Variants in PARD3 observed in about 807,000 individuals in gnomAD.
PARD3 encodes the protein par-3 family cell polarity regulator, also known as partitioning defective 3 homolog.
A neutral mutation model predicts 155.4 loss-of-function variants in PARD3; 75 were observed. The observed-to-expected ratio is 0.48, with a 90% confidence interval of 0.40 to 0.58. The LOEUF is 0.58. Among genes scored for constraint, PARD3 ranks in the 20% least tolerant of loss-of-function variants. The pLI is 0.00. For synonymous variants in PARD3, 576 were observed against 610.5 expected (o/e 0.94, Z 0.83); for missense variants, 1,642 against 1,721.7 (o/e 0.95, Z 0.82).
chr10:34,357,620 GA>G (rs1839024219), intron 14 of PARD3, among the ~76,000 whole-genome samples: 1 of 152,172 alleles, frequency 6.6e-6, no homozygotes, highest in Non-Finnish European at 1.5e-5. Flanking sequence ...AGGAGGGACG[GA>G]AAAGAGAAAA....
At chr10:34,497,427 A>G (rs888822549) in intron 3 of PARD3, among the ~76,000 whole-genome samples, 8 of 152,210 alleles carry the variant, frequency 5.3e-5, no homozygotes, top group Non-Finnish European at 1.2e-4. Context: ...TAAGAAACTG[A>G]GCATCTTCAG....
At chr10:34,505,090 A>G (rs773973) in intron 3 of PARD3, among the ~76,000 whole-genome samples, 78,336 of 152,056 alleles carry the variant, frequency 0.52, 23,733 homozygotes, top group African/African-American at 0.86. Context: ...CTTGGCAAAT[A>G]CAACAAACAC....
chr10:34,200,106 A>C (rs1254791867), intron 22 of PARD3, among the ~76,000 whole-genome samples: 2 of 151,590 alleles, frequency 1.3e-5, no homozygotes, highest in Non-Finnish European at 2.9e-5. Context: ...AATAACAATC[A>C]TAATCACAAT....
chr10:34,581,711 C>T (rs1023084286), intron 2 of PARD3, among the ~76,000 whole-genome samples: 3 of 152,108 alleles, frequency 2.0e-5, no homozygotes, highest in African/African-American at 4.8e-5. Context: ...GAACCAAAAT[C>T]CAAGTCTTTG....
At chr10:34,753,801 C>T (rs1836357854) in intron 1 of PARD3, among the ~76,000 whole-genome samples, 1 of 152,032 alleles carries the variant, frequency 6.6e-6, no homozygotes, top group South Asian at 2.1e-4. Context: ...AAGAGTATGC[C>T]AAGCAAAAGC....
At chr10:34,353,136 C>A (rs968977296) in intron 14 of PARD3, among the ~76,000 whole-genome samples, 3 of 151,854 alleles carry the variant, frequency 2.0e-5, no homozygotes, top group Admixed American at 6.6e-5. Context: ...AAGTGGGGGG[C>A]AGCCCCCGCC....
chr10:34,774,469 G>A (rs1287776998), intron 1 of PARD3, among the ~76,000 whole-genome samples: 2 of 152,136 alleles, frequency 1.3e-5, no homozygotes, highest in Non-Finnish European at 2.9e-5. Flanking sequence ...CTGTTTCTAT[G>A]GTTGAATACC....
At chr10:34,298,097 T>A (rs558508647) in intron 20 of PARD3, among the ~76,000 whole-genome samples, 13 of 152,304 alleles carry the variant, frequency 8.5e-5, no homozygotes, top group Non-Finnish European at 1.8e-4. Context: ...CCTCACAGAT[T>A]TATTGTGAAG....
chr10:34,278,900 C>T (rs1197066175), intron 21 of PARD3, among the ~76,000 whole-genome samples: 1 of 152,146 alleles, frequency 6.6e-6, no homozygotes, highest in Non-Finnish European at 1.5e-5. Flanking sequence ...AACCAACAGA[C>T]ACAAACACAT....
At position 34,309,949 on chromosome 10, in the gene PARD3, T is replaced by C. The variant is rs542324260; in HGVS notation, c.3065+7158A>G. ...GAGAGGTTAATAGGAGACCTGGTTA[T>C]TTCACTATGATCCAAAATTTAATCT... On this transcript the variant is annotated intron_variant, in intron 20 of 24. Transcript: ENST00000374788. 1.8e-3 allele frequency among the ~76,000 whole-genome samples: 278 copies of C among 150,608 alleles called. 3 individuals carry two copies. Among genetic ancestry groups the C allele is most frequent in the Middle Eastern group, 0.011 (3 of 280 alleles).
At chr10:34,802,298 T>G (rs966564077) in intron 1 of PARD3, among the ~76,000 whole-genome samples, 1 of 150,910 alleles carries the variant, frequency 6.6e-6, no homozygotes, top group Non-Finnish European at 1.5e-5. Context: ...AAAAAAAAAG[T>G]AGCCCTTTAA....
At chr10:34,465,138 T>C (rs1426767960) in intron 4 of PARD3, among the ~76,000 whole-genome samples, 1 of 152,222 alleles carries the variant, frequency 6.6e-6, no homozygotes, top group Non-Finnish European at 1.5e-5. Flanking sequence ...GAAAAGTTTC[T>C]ACGTGTTCAG....
chr10:34,648,344 G>C (rs1238782890), intron 2 of PARD3, among the ~76,000 whole-genome samples: 1 of 152,164 alleles, frequency 6.6e-6, no homozygotes, highest in African/African-American at 2.4e-5. Context: ...AATGCCAAGA[G>C]CTGCCGTGAA....
At chr10:34,786,920 TAGAC>T (rs1035483273) in intron 1 of PARD3, among the ~76,000 whole-genome samples, 3 of 152,146 alleles carry the variant, frequency 2.0e-5, no homozygotes, top group African/African-American at 7.2e-5. Flanking sequence ...AACTGGTAGA[TAGAC>T]AGTTGCAATG....
chr10:34,457,582 C>A (rs1254876632), intron 4 of PARD3, among the ~76,000 whole-genome samples: 2 of 152,040 alleles, frequency 1.3e-5, no homozygotes, highest in African/African-American at 4.8e-5. Context: ...ACCTCAATGC[C>A]CAAATTCTAC....
At chr10:34,805,370 GA>G (rs1843242040) in intron 1 of PARD3, among the ~76,000 whole-genome samples, 1 of 151,760 alleles carries the variant, frequency 6.6e-6, no homozygotes, top group Non-Finnish European at 1.5e-5. Context: ...TACAAGAAGG[GA>G]AAAACCAGAC....
chr10:34,219,635 T>C (rs1952179501), intron 22 of PARD3, among the ~76,000 whole-genome samples: 1 of 152,160 alleles, frequency 6.6e-6, no homozygotes, highest in African/African-American at 2.4e-5. Flanking sequence ...TTGCAGGTGT[T>C]TCGAAGTTCC....
At chr10:34,122,966 TA>T (rs1947086037) in intron 23 of PARD3, among the ~76,000 whole-genome samples, 1 of 152,160 alleles carries the variant, frequency 6.6e-6, no homozygotes, top group Non-Finnish European at 1.5e-5. Context: ...TGTTTTCAAA[TA>T]AAATATCATC....
chr10:34,231,290 A>G (rs1952918178), intron 22 of PARD3, among the ~76,000 whole-genome samples: 1 of 146,114 alleles, frequency 6.8e-6, no homozygotes, highest in Non-Finnish European at 1.5e-5. Flanking sequence ...AAAAAAAAAG[A>G]ACTTGTTCAT....
Sources: allele counts gnomAD v4.1 joint callset (sites outside exome capture counted in the v4.1 genomes callset), GRCh38; gene constraint gnomAD v4.1.1; transcripts MANE v1.5; gene names NCBI Gene and HGNC (gene_info 2026-07-23, HGNC 2026-07-21).